TRPM7: variants seen among roughly 807,000 people sequenced by gnomAD.
The protein encoded by TRPM7 is LTRPC ion channel family member 7.
TRPM7 carries 134 observed loss-of-function variants against 229.7 expected under a neutral mutation model. The observed-to-expected ratio is 0.58, with a 90% CI of 0.51 to 0.67. The LOEUF is 0.67. TRPM7 is among the 30% of genes least tolerant of loss of function. TRPM7 has a pLI of 0.00. For missense variants in TRPM7, 1,901 were observed against 2,210.0 expected, an observed-to-expected ratio of 0.86 and a Z score of 2.80; for synonymous variants, 699 against 715.2, an observed-to-expected ratio of 0.98 and a Z score of 0.36.
chr15:50,662,884 G>A (rs2061768409), intron 2 of TRPM7, 83 bp downstream of exon 2: 1 of 973,098 alleles, frequency 1.0e-6, no homozygotes, highest in African/African-American at 1.7e-5. Flanking sequence ...TTATTTAGTG[G>A]TTTTTGTTTC....
chr15:50,587,463 T>C (rs1033199949), intron 27 of TRPM7, among the ~76,000 whole-genome samples: 16 of 149,222 alleles, frequency 1.1e-4, no homozygotes, highest in Non-Finnish European at 1.5e-4. Flanking sequence ...AAAAGTTGTT[T>C]AAATCAAAAC....
At chr15:50,572,344 A>G (rs556419607) in intron 36 of TRPM7, among the ~76,000 whole-genome samples, 1 of 152,358 alleles carries the variant, frequency 6.6e-6, no homozygotes, top group East Asian at 1.9e-4. Flanking sequence ...TTCAGCAACT[A>G]TCAGTTAGCA....
chr15:50,635,099 C>A lies in TRPM7; in HGVS notation c.833-543G>T, dbSNP rs964898095. On this transcript the variant is annotated intron_variant, in intron 7 of 38. Coordinates refer to ENST00000646667, the MANE Select transcript of TRPM7 (RefSeq NM_017672.6). ...TTCGGAGACCAAGATGGACGGATCACAAGGTCAGGAGATCAAGACCATCCT... is the reference window on the plus strand; with the variant it reads ...TTCGGAGACCAAGATGGACGGATCAAAAGGTCAGGAGATCAAGACCATCCT... 2.6e-5 allele frequency among the ~76,000 whole-genome samples: 4 copies of A among 151,710 alleles called. No individual in the cohort carries two copies. The East Asian group carries it at 7.8e-4, about 29-fold the overall frequency.
intron 30 of TRPM7, among the ~76,000 whole-genome samples, chr15:50,579,080 G>A (rs2054276066): frequency 6.6e-6 from 1 of 152,144 alleles, no homozygotes; most frequent in South Asian, 2.1e-4. Context: ...TGAGAGAAAA[G>A]TAAGTAGATG....
chr15:50,626,188 A>G (rs1020764188), intron 11 of TRPM7, among the ~76,000 whole-genome samples: 6 of 152,170 alleles, frequency 3.9e-5, no homozygotes, highest in African/African-American at 1.4e-4. Context: ...ACTCTTGAAC[A>G]TTTATATACT....
chr15:50,601,167 A>T (rs969371340), intron 21 of TRPM7, among the ~76,000 whole-genome samples: 1 of 152,252 alleles, frequency 6.6e-6, no homozygotes, highest in Non-Finnish European at 1.5e-5. Context: ...AATGAAACGC[A>T]AATCTGTATT....
intron 24 of TRPM7, 114 bp from the exon 25 acceptor site, chr15:50,593,863 T>C: frequency 9.8e-7 from 1 of 1,023,794 alleles, no homozygotes; most frequent in Non-Finnish European, 1.4e-6. Flanking sequence ...CATCTGCACT[T>C]TTTAAACTTT....
At chr15:50,612,946 G>A (rs559599650) in intron 15 of TRPM7, 117 bp from the exon 16 acceptor site, 209 of 806,380 alleles carry the variant, frequency 2.6e-4, no homozygotes, top group Non-Finnish European at 3.6e-4. Context: ...CTGCACAATA[G>A]CATAAATTTT....
At chr15:50,627,800 G>C (rs895839906) in intron 11 of TRPM7, among the ~76,000 whole-genome samples, 15 of 152,120 alleles carry the variant, frequency 9.9e-5, no homozygotes, top group African/African-American at 3.6e-4. Flanking sequence ...TTAGAAACTA[G>C]GAAGAAGTTG....
intron 27 of TRPM7, among the ~76,000 whole-genome samples, chr15:50,587,424 T>TTTTTTTTTG (rs398027233): frequency 7.4e-6 from 1 of 135,906 alleles, no homozygotes; most frequent in African/African-American, 3.1e-5. Flanking sequence ...TTTTTTTTTT[T>TTTTTTTTTG]GAGATGGAGT....
chr15:50,628,292 T>C (rs2060627242), intron 10 of TRPM7, 43 bp from the exon 11 acceptor site: 3 of 1,399,004 alleles, frequency 2.1e-6, no homozygotes, highest in Non-Finnish European at 3.0e-6. Flanking sequence ...AATTAATTTA[T>C]CTCCATTAAA....
chr15:50,567,123 T>A (rs1402228935), intron 38 of TRPM7, among the ~76,000 whole-genome samples: 1 of 152,048 alleles, frequency 6.6e-6, no homozygotes, highest in Non-Finnish European at 1.5e-5. Flanking sequence ...AACAGTCCTA[T>A]CTCTATTAAA....
At chr15:50,581,693 T>C (rs976308943) in intron 29 of TRPM7, among the ~76,000 whole-genome samples, 1 of 152,078 alleles carries the variant, frequency 6.6e-6, no homozygotes, top group Non-Finnish European at 1.5e-5. Context: ...TGTGGGTTTA[T>C]TTTTACTTCC....
Position 50,657,707 on chromosome 15 carries a change from T to C in TRPM7, c.122+74A>G, listed in dbSNP as rs1002238772. The C allele has an allele frequency of 1.1e-5, 15 of 1,344,646 alleles. No individual in the cohort carries two copies. The African/African-American group carries it at 2.2e-4, about 20-fold the overall frequency. The allele number at this position is 1,344,646 out of a possible 1,614,324, so 83.3% of individuals were successfully genotyped here. ...GCATGTGAGTTTCATGCCACTGTGT[T>C]CTAACTCATATTTCTAATAGATTAG... On this transcript the variant is annotated intron_variant, in intron 3 of 38. Transcript: ENST00000646667.
chr15:50,622,302 GAAC>G (rs781268617), intron 12 of TRPM7, among the ~76,000 whole-genome samples: 5 of 152,128 alleles, frequency 3.3e-5, no homozygotes, highest in African/African-American at 4.8e-5. Flanking sequence ...AAAAGTTTGA[GAAC>G]TACTGCTTTA....
At chr15:50,603,352 A>G (rs149373465) in intron 21 of TRPM7, among the ~76,000 whole-genome samples, 220 of 152,116 alleles carry the variant, frequency 1.4e-3, no homozygotes, top group Admixed American at 2.4e-3. Flanking sequence ...GTTCTAGGGT[A>G]CATGTGCACA....
chr15:50,579,013 T>C (rs766216512), intron 30 of TRPM7, among the ~76,000 whole-genome samples: 4 of 152,170 alleles, frequency 2.6e-5, no homozygotes, highest in Non-Finnish European at 4.4e-5. Context: ...TAACAATACA[T>C]TGAGATGACT....
intron 20 of TRPM7, among the ~76,000 whole-genome samples, chr15:50,605,851 A>G (rs902496236): frequency 3.3e-5 from 5 of 152,254 alleles, no homozygotes; most frequent in Non-Finnish European, 7.3e-5. Flanking sequence ...AACAGATTTA[A>G]TAAACATATG....
chr15:50,569,149 A>G (rs890449110), intron 38 of TRPM7, among the ~76,000 whole-genome samples: 28 of 152,072 alleles, frequency 1.8e-4, no homozygotes, highest in African/African-American at 6.8e-4. Flanking sequence ...ATCCTCTGGT[A>G]TCAGCCTCCT....
Sources: allele counts gnomAD v4.1 joint callset (sites outside exome capture counted in the v4.1 genomes callset), GRCh38; gene constraint gnomAD v4.1.1; transcripts MANE v1.5; gene names NCBI Gene and HGNC (gene_info 2026-07-23, HGNC 2026-07-21).